The following PIEZO1 variants were observed in gnomAD, a reference collection of about 807,000 sequenced individuals.
The protein encoded by PIEZO1 is piezo type mechanosensitive ion channel component 1 (Er blood group), also known as piezo-type mechanosensitive ion channel component 1.
In PIEZO1, 296 loss-of-function variants were observed where a neutral mutation model predicts 297.2. The ratio of observed to expected loss-of-function variants is 1.00; its 90% CI spans 0.91 to 1.10. PIEZO1 has a LOEUF of 1.10. Ranked by LOEUF, PIEZO1 falls within the 50% of genes least tolerant of loss-of-function variation. The pLI, the probability that PIEZO1 is intolerant of heterozygous loss-of-function variation, is 0.00. For synonymous variants in PIEZO1, 2,427 were observed against 1,507.5 expected, an observed-to-expected ratio of 1.61 and a Z score of -14.13; for missense variants, 5,018 against 3,455.5, an observed-to-expected ratio of 1.45 and a Z score of -11.34.
chr16:88,717,509 C>T (rs775840387), intron 44 of PIEZO1: 8 of 555,808 alleles, frequency 1.4e-5, no homozygotes, highest in Non-Finnish European at 2.7e-5. Flanking sequence ...AACGCAACTC[C>T]TGCCTCATAC....
intron 24 of PIEZO1, 31 bp downstream of exon 24, chr16:88,727,008 G>T (rs1448989798): frequency 2.6e-6 from 4 of 1,548,680 alleles, no homozygotes; most frequent in Middle Eastern, 1.7e-4. Flanking sequence ...CCTCCCAGAA[G>T]GTTCCCCGTG....
chr16:88,720,193 T>C lies in PIEZO1; in HGVS notation c.6040A>G (p.Thr2014Ala), dbSNP rs1912330156. 12 of 1,550,466 alleles carry C rather than the reference T, an allele frequency of 7.7e-6. No homozygotes were observed. In the East Asian group the frequency reaches 2.7e-4, roughly 35 times the overall value. The stretch of plus-strand genomic sequence containing the variant: ...TAGAGGGCGCGGTCAACCACCATGG[T>C]ACTGAACTGGATCAGCAGCATGACC... ...FLVMLLIQFS[T>A]MVVDRALYLR... is the part of the protein sequence containing the mutation. Residue 2014 changes from threonine to alanine, a missense_variant, in exon 42 of 51, where the codon ACC becomes GCC. By Grantham distance (58) the Thr-to-Ala change is moderately conservative (BLOSUM62 0). Coordinates refer to ENST00000301015, the MANE Select transcript of PIEZO1 (RefSeq NM_001142864.4).
At chr16:88,764,476 G>T (rs1003196518) in intron 1 of PIEZO1, among the ~76,000 whole-genome samples, 2 of 152,026 alleles carry the variant, frequency 1.3e-5, no homozygotes, top group African/African-American at 4.8e-5. Flanking sequence ...TGCCAGGCCG[G>T]GCGCGGTGGC....
At chr16:88,742,501 C>T in intron 2 of PIEZO1, 79 bp from the exon 3 acceptor site, 2 of 1,448,564 alleles carry the variant, frequency 1.4e-6, no homozygotes, top group East Asian at 2.5e-5. Flanking sequence ...CGGACAATAG[C>T]CCCCAGCCCG....
Position 88,721,146 on chromosome 16 carries a change from G to C in PIEZO1, c.5668+20C>G, listed in dbSNP as rs1243787196. ...CAGAAAACTGGGTAGGCAGGAGGTT[G>C]TGAGGCAGGGCGCTTATACCGATGG... On this transcript the variant is annotated intron_variant, in intron 39 of 50. Coordinates refer to ENST00000301015, the MANE Select transcript of PIEZO1 (RefSeq NM_001142864.4). 1 of 1,469,670 alleles carries C rather than the reference G, an allele frequency of 6.8e-7. No individual in the cohort carries two copies. The highest frequency in any genetic ancestry group is 9.0e-7 in the Non-Finnish European group (1 of 1,110,982). The allele number at this position is 1,469,670 out of a possible 1,614,324, so 91.0% of individuals were successfully genotyped here.
chr16:88,741,867 C>T, intron 4 of PIEZO1, 186 bp downstream of exon 4: 1 of 252,754 alleles, frequency 4.0e-6, no homozygotes, highest in Non-Finnish European at 8.0e-6. Context: ...GATGGGTCTC[C>T]AGGTGCGGGT....
At chr16:88,728,416 A>G (rs1429399625) in intron 22 of PIEZO1, among the ~76,000 whole-genome samples, 2 of 151,902 alleles carry the variant, frequency 1.3e-5, no homozygotes, top group Non-Finnish European at 2.9e-5. Flanking sequence ...TGGGGAACCC[A>G]GGACATGCTG....
chr16:88,783,557 G>C (rs1292521646), intron 1 of PIEZO1, among the ~76,000 whole-genome samples: 1 of 152,178 alleles, frequency 6.6e-6, no homozygotes, highest in African/African-American at 2.4e-5. Flanking sequence ...AGGCCTGTCA[G>C]CTCTAGACTC....
chr16:88,715,400 G>T lies in PIEZO1; in HGVS notation c.*205C>A, dbSNP rs370827778. 5 of 1,002,938 alleles carry T rather than the reference G, an allele frequency of 5.0e-6. No homozygotes were observed. The allele number at this position is 1,002,938 out of a possible 1,614,324, so 62.1% of individuals were successfully genotyped here. On this transcript the variant is annotated 3_prime_UTR_variant, in exon 51 of 51. Transcript: ENST00000301015. Reference sequence around the variant, plus strand: ...TTAAAAAAAAAACTCTACAGTACACGTGGGGGACGGCAGCGCCACGCAGGC... The same window carrying T: ...TTAAAAAAAAAACTCTACAGTACACTTGGGGGACGGCAGCGCCACGCAGGC...
intron 27 of PIEZO1, 53 bp from the exon 28 acceptor site, chr16:88,725,737 AT>A (rs961525903): frequency 2.4e-5 from 23 of 945,666 alleles, no homozygotes; most frequent in Non-Finnish European, 6.7e-6. Flanking sequence ...CCCCAGCAAC[AT>A]GGGCAGCCGC....
intron 1 of PIEZO1, among the ~76,000 whole-genome samples, chr16:88,766,684 A>T (rs1338007357): frequency 6.6e-6 from 1 of 152,232 alleles, no homozygotes; most frequent in Non-Finnish European, 1.5e-5. Flanking sequence ...TGGAAATTCA[A>T]CAAAGTCATG....
In PIEZO1 at chr16:88,742,287, C is replaced by G; in HGVS notation, c.283+13G>C. The G allele has an allele frequency of 2.0e-6, 3 of 1,529,028 alleles. No individual in the cohort carries two copies. The highest frequency in any genetic ancestry group is 2.4e-5 in the South Asian group (2 of 83,604). The allele number at this position is 1,529,028 out of a possible 1,614,324, so 94.7% of individuals were successfully genotyped here. On this transcript the variant is annotated intron_variant, in intron 3 of 50. Coordinates refer to ENST00000301015, the MANE Select transcript of PIEZO1 (RefSeq NM_001142864.4). ...AGGATGGCTATCCCTACCCCGCCCCCTCAGCGACTCACAGCTGGGTCCCAG... is the reference window on the plus strand; with the variant it reads ...AGGATGGCTATCCCTACCCCGCCCCGTCAGCGACTCACAGCTGGGTCCCAG...
At chr16:88,730,011 G>T (rs1343040970) in intron 22 of PIEZO1, among the ~76,000 whole-genome samples, 4 of 152,280 alleles carry the variant, frequency 2.6e-5, no homozygotes, top group African/African-American at 7.2e-5. Context: ...GGCAGAAGAA[G>T]GGGAGCTGGC....
intron 2 of PIEZO1, among the ~76,000 whole-genome samples, 170 bp from the exon 3 acceptor site, chr16:88,742,592 C>T (rs1029252731): frequency 3.9e-5 from 6 of 152,202 alleles, no homozygotes; most frequent in Admixed American, 1.3e-4. Flanking sequence ...CCACTCCCCA[C>T]GCCTCCCGAG....
rs1452118079 is a variant in PIEZO1, at chr16:88,734,380, G to C, written c.2156C>G (p.Thr719Arg). 3.2e-6 allele frequency: 5 copies of C among 1,544,404 alleles called. No individual in the cohort carries two copies. The highest frequency in any genetic ancestry group is 1.4e-5 in the African/African-American group (1 of 72,984). ...TDMEHVSLPG[T>R]RLPRWAHRQD... ...CCTGTGAGCCCAGCGCGGGAGGCGCGTGCCAGGCAGGGACACGTGCTCCAT... is the reference window on the plus strand; with the variant it reads ...CCTGTGAGCCCAGCGCGGGAGGCGCCTGCCAGGCAGGGACACGTGCTCCAT... Residue 719 changes from threonine to arginine, a missense_variant, in exon 16 of 51, where the codon ACG (threonine) becomes AGG (arginine). Transcript: ENST00000301015.
intron 10 of PIEZO1, 63 bp from the exon 11 acceptor site, chr16:88,736,802 T>TCAGG: frequency 1.9e-6 from 2 of 1,070,420 alleles, no homozygotes; most frequent in Non-Finnish European, 2.7e-6. Context: ...ACCCTGACTA[T>TCAGG]GCCCTAAAAT....
chr16:88,733,122 T>G (rs1904978924), intron 19 of PIEZO1, 156 bp downstream of exon 19: 3 of 676,094 alleles, frequency 4.4e-6, no homozygotes, highest in African/African-American at 1.8e-5. Flanking sequence ...GGTCGAAGGA[T>G]GCTGCCTCCA....
Position 88,735,233 on chromosome 16 carries a change from A to C in PIEZO1, c.1571T>G (p.Leu524Arg). Residue 524 changes from leucine to arginine, a missense_variant, in exon 13 of 51, where the codon CTG (leucine) becomes CGG (arginine). Physicochemically the swap from Leu to Arg is moderately radical, Grantham distance 102 (BLOSUM62 -2). Coordinates refer to ENST00000301015, the MANE Select transcript of PIEZO1 (RefSeq NM_001142864.4). ...CTGGCGCAGCAGGAGCCAGAAGGTC[A>C]GGGTGTAGAGCAACTGTGACAAGCG... ...LDLGAMLLYT[L>R]TFWLLLRQFV... The C allele has an allele frequency of 6.5e-7, 1 of 1,548,968 alleles. No homozygotes were observed. The highest frequency in any genetic ancestry group is 8.7e-7 in the Non-Finnish European group (1 of 1,145,594).
intron 1 of PIEZO1, among the ~76,000 whole-genome samples, chr16:88,779,386 C>T (rs1907823095): frequency 6.6e-6 from 1 of 152,196 alleles, no homozygotes; most frequent in African/African-American, 2.4e-5. Context: ...TTTCCTGGCA[C>T]TGATCGCACT....
Sources: gnomAD v4.1 joint callset for allele counts (sites outside exome capture counted in the v4.1 genomes callset) on GRCh38, gnomAD v4.1.1 for gene constraint, MANE v1.5 for transcripts, NCBI Gene and HGNC (gene_info 2026-07-23, HGNC 2026-07-21) for gene names.